Variants in RNF149 observed in about 807,000 individuals in gnomAD.
The protein encoded by RNF149 is ring finger protein 149.
RNF149 carries 21 observed loss-of-function variants against 39.0 expected under a neutral mutation model. The observed-to-expected ratio is 0.54, with a 90% CI of 0.38 to 0.77. The LOEUF is 0.77. Among genes scored for constraint, RNF149 ranks in the 30% least tolerant of loss-of-function variants. The pLI is 0.00. For synonymous variants in RNF149, 209 were observed against 213.6 expected (o/e 0.98, Z 0.19); for missense variants, 493 against 534.9 (o/e 0.92, Z 0.77).
chr2:101,295,181 C>A lies in RNF149; in HGVS notation c.461G>T (p.Gly154Val), dbSNP rs150097352. ...CATAATGACCACTATATTTCCTGTT[C>A]CTGTAGGAAAGAACAAAGAAATCAA... The part of the protein sequence containing the change: ...GNITLPMSHA[G>V]TGNIVVIMIS... Residue 154 changes from glycine to valine, a missense_variant and splice_region_variant, in exon 2 of 7, where the codon GGA becomes GTA. Coordinates refer to ENST00000295317, the MANE Select transcript of RNF149 (RefSeq NM_173647.4). 2 of 1,611,082 alleles carry A rather than the reference C, an allele frequency of 1.2e-6. No individual in the cohort carries two copies. The highest frequency in any genetic ancestry group is 2.7e-5 in the African/African-American group (2 of 74,744).
chr2:101,274,810 G>T (rs1682266375), downstream of RNF149, among the ~76,000 whole-genome samples: 1 of 152,290 alleles, frequency 6.6e-6, no homozygotes, highest in South Asian at 2.1e-4. Flanking sequence ...TTTTGAGATG[G>T]AGTTTTGCTC....
chr2:101,278,653 C>T (rs1682445109), intron 6 of RNF149, among the ~76,000 whole-genome samples: 2 of 152,104 alleles, frequency 1.3e-5, no homozygotes, highest in Admixed American at 1.3e-4. Flanking sequence ...TGTGCATTAC[C>T]TGACATATTC....
At chr2:101,296,963 C>G (rs140065993) in intron 1 of RNF149, among the ~76,000 whole-genome samples, 1 of 152,310 alleles carries the variant, frequency 6.6e-6, no homozygotes, top group East Asian at 1.9e-4. Flanking sequence ...AATCCCAGCA[C>G]TTTGGGAGGC....
intron 4 of RNF149, among the ~76,000 whole-genome samples, chr2:101,287,183 G>A (rs1343649676): frequency 6.6e-6 from 1 of 152,082 alleles, no homozygotes; most frequent in Non-Finnish European, 1.5e-5. Context: ...TTAGCTGGGT[G>A]TGTTGGTGGA....
intron 1 of RNF149, among the ~76,000 whole-genome samples, chr2:101,302,514 A>T (rs1173750046): frequency 1.3e-5 from 2 of 152,200 alleles, no homozygotes; most frequent in African/African-American, 4.8e-5. Context: ...TGTATTTTTG[A>T]ATATAATACT....
Position 101,286,179 on chromosome 2 carries a change from TA to T in RNF149, c.864-3del. 1 of 1,542,038 alleles carries T rather than the reference TA, an allele frequency of 6.5e-7. No individual in the cohort carries two copies. The highest frequency in any genetic ancestry group is 9.0e-7 in the Non-Finnish European group (1 of 1,115,948). On this transcript the variant is annotated splice_polypyrimidine_tract_variant and splice_region_variant and intron_variant, in intron 4 of 6. Transcript: ENST00000295317. ...ATGCATATTCTATGAAAAATATGCC[TA>T]AAAAGATTAAGTATGTGTTAATGTT...
intron 1 of RNF149, among the ~76,000 whole-genome samples, chr2:101,305,566 T>C (rs1026577275): frequency 3.3e-5 from 5 of 152,142 alleles, no homozygotes; most frequent in African/African-American, 1.2e-4. Flanking sequence ...TCTCTAAACA[T>C]TTGGCAATAT....
chr2:101,295,607 G>A lies in RNF149; in HGVS notation c.461-426C>T, dbSNP rs138176768. 6.1e-3 allele frequency among the ~76,000 whole-genome samples: 925 copies of A among 150,822 alleles called. 4 individuals carry two copies. The highest frequency in any genetic ancestry group is 0.022 in the African/African-American group (882 of 40,942). On this transcript the variant is annotated intron_variant, in intron 1 of 6. Coordinates refer to ENST00000295317, the MANE Select transcript of RNF149 (RefSeq NM_173647.4). ...ACCTGGGAAGCGGAGGTTGCAGTGA[G>A]CTGAGATCGCGCCACTGCACTCCAG...
chr2:101,294,790 A>C, intron 2 of RNF149, 141 bp downstream of exon 2: 2 of 717,274 alleles, frequency 2.8e-6, no homozygotes, highest in Non-Finnish European at 2.3e-6. Context: ...TTAAAAAGTT[A>C]CTTCCAAAAA....
At chr2:101,307,004 T>G (rs1329344260) in intron 1 of RNF149, among the ~76,000 whole-genome samples, 1 of 152,212 alleles carries the variant, frequency 6.6e-6, no homozygotes. Context: ...ATGCATAAAG[T>G]GATGTTATCT....
chr2:101,285,573 T>G (rs1682764624), intron 5 of RNF149, among the ~76,000 whole-genome samples: 1 of 152,166 alleles, frequency 6.6e-6, no homozygotes, highest in Non-Finnish European at 1.5e-5. Context: ...TTCGCCCCCG[T>G]GTCTTCTGTG....
At chr2:101,295,970 G>A (rs1179450689) in intron 1 of RNF149, among the ~76,000 whole-genome samples, 5 of 152,050 alleles carry the variant, frequency 3.3e-5, no homozygotes, top group Middle Eastern at 3.4e-3. Flanking sequence ...CTGTGTAAGC[G>A]AGACCTTGTC....
In RNF149 at chr2:101,276,448, G is replaced by A. The variant is rs1039578192; in HGVS notation, c.*790C>T. The A allele has an allele frequency of 6.1e-6, 6 of 985,422 alleles. No individual in the cohort carries two copies. In the Admixed American group the frequency reaches 1.8e-4, roughly 30 times the overall value. 61.0% of individuals were successfully genotyped at this position (985,422 alleles called of 1,614,324 possible). A position where few individuals can be genotyped will look rare whatever the true frequency, so the allele number is the denominator to read the frequency against. On this transcript the variant is annotated 3_prime_UTR_variant, in exon 7 of 7. Coordinates refer to ENST00000295317, the MANE Select transcript of RNF149 (RefSeq NM_173647.4). ...CATCTTTCGCCCTTTTAATTGTAAA[G>A]ATTAAATTGTAACTGAAATCAATAT... is the stretch of plus-strand genomic sequence containing the variant.
chr2:101,277,892 G>A (rs963126827), intron 6 of RNF149, among the ~76,000 whole-genome samples: 1 of 152,156 alleles, frequency 6.6e-6, no homozygotes, highest in Non-Finnish European at 1.5e-5. Flanking sequence ...TGAACAAGTA[G>A]CTAAGGTGAT....
chr2:101,306,835 T>C (rs1007081625), intron 1 of RNF149, among the ~76,000 whole-genome samples: 4 of 152,218 alleles, frequency 2.6e-5, no homozygotes, highest in African/African-American at 9.6e-5. Flanking sequence ...TTTTCTGTCC[T>C]CACTTCACTG....
intron 1 of RNF149, 163 bp downstream of exon 1, chr2:101,307,966 G>GC (rs1317834739): frequency 1.0e-6 from 1 of 985,326 alleles, no homozygotes. Flanking sequence ...CGATCGGGGA[G>GC]CCGCACCGAG....
downstream of RNF149, among the ~76,000 whole-genome samples, chr2:101,274,960 A>T (rs1378125909): frequency 1.3e-4 from 17 of 131,404 alleles, no homozygotes; most frequent in Non-Finnish European, 2.1e-4. Context: ...CTAATTTTGT[A>T]TTTTTTTTTT....
At chr2:101,288,304 C>T (rs1024061370) in intron 4 of RNF149, among the ~76,000 whole-genome samples, 1 of 137,072 alleles carries the variant, frequency 7.3e-6, no homozygotes, top group Non-Finnish European at 1.5e-5. Flanking sequence ...GTGGTGCAAT[C>T]TCGGCTCACT....
At position 101,293,973 on chromosome 2, in the gene RNF149, C is replaced by T. The variant is rs758875925; in HGVS notation, c.780+41G>A. ...ATAAACACGTACAGCATATTCTCTA[C>T]TCTAAACCACAAAACAAAAGAAAAA... On this transcript the variant is annotated intron_variant, in intron 3 of 6. Coordinates refer to ENST00000295317, the MANE Select transcript of RNF149 (RefSeq NM_173647.4). 4.9e-6 allele frequency: 6 copies of T among 1,226,520 alleles called. No individual in the cohort carries two copies. In the African/African-American group the frequency reaches 6.1e-5, roughly 12 times the overall value. The allele number at this position is 1,226,520 out of a possible 1,614,324, so 76.0% of individuals were successfully genotyped here. A position where few individuals can be genotyped will look rare whatever the true frequency, so the allele number is the denominator to read the frequency against.
Sources: gnomAD v4.1 joint callset for allele counts (sites outside exome capture counted in the v4.1 genomes callset) on GRCh38, gnomAD v4.1.1 for gene constraint, MANE v1.5 for transcripts, NCBI Gene and HGNC (gene_info 2026-07-23, HGNC 2026-07-21) for gene names.